The following CTCF variants were observed in gnomAD, a reference collection of about 807,000 sequenced individuals.
The protein encoded by CTCF is CCCTC-binding factor.
Under a neutral mutation model 72.3 loss-of-function variants are expected in CTCF, and 7 were observed. That is an observed-to-expected ratio of 0.10 (90% CI 0.06 to 0.18). CTCF has a LOEUF of 0.18. CTCF is among the 10% of genes least tolerant of loss of function. The pLI is 1.00. For synonymous variants in CTCF, 374 were observed against 315.8 expected, an observed-to-expected ratio of 1.18 and a Z score of -1.95; for missense variants, 516 against 949.1, an observed-to-expected ratio of 0.54 and a Z score of 6.00.
intron 2 of CTCF, among the ~76,000 whole-genome samples, chr16:67,597,692 A>C (rs2051833096): frequency 6.6e-6 from 1 of 152,054 alleles, no homozygotes; most frequent in Non-Finnish European, 1.5e-5. Flanking sequence ...ATTAAAGATA[A>C]CTTCTGTTTT....
intron 2 of CTCF, among the ~76,000 whole-genome samples, chr16:67,581,029 C>T (rs894591242): frequency 7.9e-5 from 12 of 151,850 alleles, no homozygotes; most frequent in East Asian, 1.9e-4. Flanking sequence ...CCCGGGTTCA[C>T]GCCATTCTCC....
At chr16:67,636,585 A>G (rs1044681876) in intron 10 of CTCF, 105 bp from the exon 11 acceptor site, 38 of 353,804 alleles carry the variant, frequency 1.1e-4, no homozygotes, top group Admixed American at 3.2e-4. Context: ...ATATATATAT[A>G]TATATTTATA....
chr16:67,584,387 C>A (rs1366125893), intron 2 of CTCF, among the ~76,000 whole-genome samples: 1 of 134,914 alleles, frequency 7.4e-6, no homozygotes, highest in Admixed American at 8.0e-5. Context: ...GTCACCCAGG[C>A]TGGAGTGCAG....
chr16:67,581,850 G>A (rs1211515031), intron 2 of CTCF, among the ~76,000 whole-genome samples: 1 of 152,096 alleles, frequency 6.6e-6, no homozygotes, highest in East Asian at 1.9e-4. Context: ...ATGTTGACTG[G>A]GCTGATGTTG....
Position 67,639,122 on chromosome 16 carries a change from TG to T in CTCF, c.*1254del. 5.1e-6 allele frequency: 1 copy of T among 197,496 alleles called. No homozygotes were observed. The highest frequency in any genetic ancestry group is 1.1e-5 in the Non-Finnish European group (1 of 95,004). The allele number at this position is 197,496 out of a possible 1,614,324, so 12.2% of individuals were successfully genotyped here. Reference sequence around the variant, plus strand: ...TAAAATATGTAATGGGGTTGAAAGCTGGGGAGGAGGATCTACTGCTGTACAG... The same window carrying T: ...TAAAATATGTAATGGGGTTGAAAGCTGGGAGGAGGATCTACTGCTGTACAG... On this transcript the variant is annotated 3_prime_UTR_variant, in exon 12 of 12. Transcript: ENST00000264010.
intron 2 of CTCF, among the ~76,000 whole-genome samples, chr16:67,593,503 T>G (rs1379255554): frequency 2.6e-5 from 4 of 152,202 alleles, no homozygotes; most frequent in Non-Finnish European, 5.9e-5. Flanking sequence ...GCATCTGTGT[T>G]GCTGTAAAGG....
intron 1 of CTCF, among the ~76,000 whole-genome samples, chr16:67,568,692 G>T (rs1206120919): frequency 2.0e-5 from 3 of 152,034 alleles, no homozygotes; most frequent in African/African-American, 7.2e-5. Flanking sequence ...GGCCTGCCTG[G>T]CTAATTTTTA....
At chr16:67,632,602 TACC>T (rs1193923087) in intron 10 of CTCF, among the ~76,000 whole-genome samples, 1 of 152,182 alleles carries the variant, frequency 6.6e-6, no homozygotes, top group Non-Finnish European at 1.5e-5. Flanking sequence ...TTTGCTGAAA[TACC>T]ACCAAGCCAA....
chr16:67,609,115 C>G (rs2052021043), intron 2 of CTCF, among the ~76,000 whole-genome samples: 1 of 152,048 alleles, frequency 6.6e-6, no homozygotes, highest in South Asian at 2.1e-4. Flanking sequence ...ATGTATAATC[C>G]CAGCACTTTG....
chr16:67,602,308 A>G (rs367796675), intron 2 of CTCF, among the ~76,000 whole-genome samples: 3 of 152,094 alleles, frequency 2.0e-5, no homozygotes, highest in African/African-American at 4.8e-5. Context: ...TCCTCTACCA[A>G]TTTTATTATT....
intron 2 of CTCF, among the ~76,000 whole-genome samples, chr16:67,577,152 C>A (rs1304554541): frequency 1.3e-5 from 2 of 151,970 alleles, no homozygotes; most frequent in Non-Finnish European, 2.9e-5. Context: ...GGCGTGGTGG[C>A]TCACACCTGT....
rs780834560 is a variant in CTCF, at chr16:67,636,867, C to G, written c.1999+16C>G. 7.9e-6 allele frequency: 12 copies of G among 1,510,880 alleles called. No homozygotes were observed. In the Admixed American group the frequency reaches 2.2e-4, roughly 28 times the overall value. The allele number at this position is 1,510,880 out of a possible 1,614,324, so 93.6% of individuals were successfully genotyped here. A position where few individuals can be genotyped will look rare whatever the true frequency, so the allele number is the denominator to read the frequency against. ...CAGAACCAGCGTAAGTTGTTCATCTCTGCTCTGGAGGCTGGCGTCTTCTCC... is the reference window on the plus strand; with the variant it reads ...CAGAACCAGCGTAAGTTGTTCATCTGTGCTCTGGAGGCTGGCGTCTTCTCC... On this transcript the variant is annotated intron_variant, in intron 11 of 11. Transcript: ENST00000264010.
chr16:67,592,982 C>T (rs1448439957), intron 2 of CTCF, among the ~76,000 whole-genome samples: 3 of 145,504 alleles, frequency 2.1e-5, no homozygotes, highest in Admixed American at 1.4e-4. Context: ...GCCGAGATCG[C>T]GCCACTGCAT....
intron 2 of CTCF, among the ~76,000 whole-genome samples, chr16:67,586,803 GT>G (rs922490481): frequency 2.0e-5 from 3 of 151,420 alleles, no homozygotes; most frequent in African/African-American, 7.3e-5. Flanking sequence ...GTTGTTTTGG[GT>G]TTTTTTTGAG....
intron 7 of CTCF, among the ~76,000 whole-genome samples, chr16:67,626,046 C>T (rs2052281737): frequency 6.6e-6 from 1 of 152,074 alleles, no homozygotes; most frequent in Non-Finnish European, 1.5e-5. Context: ...ACCATCTTCT[C>T]CCACCTATCC....
chr16:67,635,464 T>G (rs750113779), intron 10 of CTCF: 6 of 149,554 alleles, frequency 4.0e-5, no homozygotes, highest in Non-Finnish European at 7.4e-5. Context: ...TCACACCGAG[T>G]CAATTTCGTT....
chr16:67,581,031 C>A (rs188556850), intron 2 of CTCF, among the ~76,000 whole-genome samples: 61 of 152,110 alleles, frequency 4.0e-4, no homozygotes, highest in African/African-American at 1.4e-3. Flanking sequence ...CGGGTTCACG[C>A]CATTCTCCTG....
intron 2 of CTCF, among the ~76,000 whole-genome samples, chr16:67,571,534 C>T (rs902557208): frequency 1.3e-5 from 2 of 152,144 alleles, no homozygotes; most frequent in Non-Finnish European, 2.9e-5. Context: ...GACTATTCTC[C>T]GTTAATGAGA....
intron 9 of CTCF, among the ~76,000 whole-genome samples, chr16:67,628,943 C>G (rs2052326621): frequency 6.6e-6 from 1 of 151,736 alleles, no homozygotes; most frequent in African/African-American, 2.4e-5. Context: ...CCCTGTACTC[C>G]CAGGAGGCTG....
Sources: gnomAD v4.1 joint callset for allele counts (sites outside exome capture counted in the v4.1 genomes callset) on GRCh38, gnomAD v4.1.1 for gene constraint, MANE v1.5 for transcripts, NCBI Gene and HGNC (gene_info 2026-07-23, HGNC 2026-07-21) for gene names.